The following EFTUD2 variants were observed in gnomAD, a reference collection of about 807,000 sequenced individuals.
EFTUD2 encodes elongation factor Tu GTP binding domain containing 2, also known as 116 kDa U5 small nuclear ribonucleoprotein component.
EFTUD2 carries 9 observed loss-of-function variants against 114.3 expected under a neutral mutation model. The ratio of observed to expected loss-of-function variants is 0.08; its 90% CI spans 0.05 to 0.14. The LOEUF is 0.14. Ranked by LOEUF, EFTUD2 falls within the 10% of genes least tolerant of loss-of-function variation. The pLI is 1.00. For missense variants in EFTUD2, 765 were observed against 1,241.2 expected, an observed-to-expected ratio of 0.62 and a Z score of 5.76; for synonymous variants, 449 against 462.3, an observed-to-expected ratio of 0.97 and a Z score of 0.37.
chr17:44,896,883 A>G (rs2051395497), intron 1 of EFTUD2, among the ~76,000 whole-genome samples: 1 of 152,074 alleles, frequency 6.6e-6, no homozygotes, highest in South Asian at 2.1e-4. Context: ...CACTGAATAA[A>G]TGGTTATGAG....
At chr17:44,889,887 A>G (rs1449897123) in intron 2 of EFTUD2, among the ~76,000 whole-genome samples, 1 of 152,228 alleles carries the variant, frequency 6.6e-6, no homozygotes, top group Non-Finnish European at 1.5e-5. Context: ...TAACTGCAGG[A>G]TTTTATATAA....
chr17:44,884,950 T>C (rs544253720), intron 4 of EFTUD2, among the ~76,000 whole-genome samples: 2 of 152,326 alleles, frequency 1.3e-5, no homozygotes, highest in South Asian at 2.1e-4. Context: ...AGCAGTCTTA[T>C]TGAGTCCAAA....
In EFTUD2 at chr17:44,857,062, G is replaced by T; in HGVS notation, c.2045+13C>A. The T allele has an allele frequency of 6.2e-7, 1 of 1,611,098 alleles. No homozygotes were observed. The highest frequency in any genetic ancestry group is 1.3e-5 in the African/African-American group (1 of 75,012). On this transcript the variant is annotated intron_variant, in intron 20 of 27. Coordinates refer to ENST00000426333, the MANE Select transcript of EFTUD2 (RefSeq NM_004247.4). ...GAGGCTGCAGTCCCAGGGACACTGTGCTCCCAGCTTACTTCTTATTAGGCG... is the reference window on the plus strand; with the variant it reads ...GAGGCTGCAGTCCCAGGGACACTGTTCTCCCAGCTTACTTCTTATTAGGCG...
chr17:44,860,117 G>T (rs1310968906), intron 17 of EFTUD2, 72 bp from the exon 18 acceptor site: 2 of 1,604,812 alleles, frequency 1.2e-6, no homozygotes, highest in Non-Finnish European at 1.7e-6. Flanking sequence ...GGTATGAGAA[G>T]AGAAGAGGAC....
In EFTUD2 at chr17:44,876,003, A is replaced by G; in HGVS notation, c.800T>C (p.Leu267Pro). 6.2e-7 allele frequency: 1 copy of G among 1,614,154 alleles called. No homozygotes were observed. The highest frequency in any genetic ancestry group is 8.5e-7 in the Non-Finnish European group (1 of 1,180,042). ...INKIDRLILE[L>P]KLPPTDAYYK... ...ATAAGCATCAGTTGGAGGCAGCTTC[A>G]GCTCCAGGATCAGCCGGTCAATCTT... The change falls in exon 10 of 28, where the codon CTG (leucine) becomes CCG (proline). Residue 267 changes from leucine (L) to proline (P), a missense_variant. Around this residue, in one of 6 missense-constraint regions of EFTUD2, gnomAD observed 251 missense variants for 357.7 expected, o/e 0.70. Transcript: ENST00000426333.
At chr17:44,898,499 C>A (rs183629400) in intron 1 of EFTUD2, among the ~76,000 whole-genome samples, 229 of 152,270 alleles carry the variant, frequency 1.5e-3, no homozygotes, top group Non-Finnish European at 2.7e-3. Flanking sequence ...GGATTACAGG[C>A]GTGAGCCACC....
Position 44,851,728 on chromosome 17 carries a change from G to A in EFTUD2, c.2805C>T (p.Ile935=), listed in dbSNP as rs767190626. ...PAPHLAREFM[I]KTRRRKGLSE... ...GACATACCTTCCTACGGCGGGTTTT[G>A]ATCATGAATTCCCGGGCCAGGTGAG... The change falls in exon 27 of 28, where the codon ATC becomes ATT. Residue 935 remains isoleucine, a synonymous_variant. Transcript: ENST00000426333. The A allele has an allele frequency of 4.5e-6, 7 of 1,568,802 alleles. No individual in the cohort carries two copies. The highest frequency in any genetic ancestry group is 6.0e-6 in the Non-Finnish European group (7 of 1,158,870).
intron 2 of EFTUD2, among the ~76,000 whole-genome samples, chr17:44,889,505 A>C (rs969788798): frequency 1.3e-5 from 2 of 152,206 alleles, no homozygotes; most frequent in Non-Finnish European, 2.9e-5. Context: ...GAGAGGGCAG[A>C]ATTGCCAAAG....
At chr17:44,860,702 T>C (rs2050640885) in intron 16 of EFTUD2, among the ~76,000 whole-genome samples, 159 bp from the exon 17 acceptor site, 1 of 150,900 alleles carries the variant, frequency 6.6e-6, no homozygotes. Flanking sequence ...AAGGTTCCAG[T>C]GATCCTTCTG....
At chr17:44,882,192 C>A (rs986143150) in intron 6 of EFTUD2, among the ~76,000 whole-genome samples, 2 of 152,126 alleles carry the variant, frequency 1.3e-5, no homozygotes, top group Non-Finnish European at 2.9e-5. Context: ...GCTCAGCCTC[C>A]CAAAGTGCTG....
Position 44,877,173 on chromosome 17 carries a change from G to T in EFTUD2, c.703-1073C>A, listed in dbSNP as rs556663349. Among the ~76,000 whole-genome samples the T allele has an allele frequency of 2.0e-5, 3 of 152,076 alleles. No homozygotes were observed. In the East Asian group the frequency reaches 5.8e-4, roughly 29 times the overall value. On this transcript the variant is annotated intron_variant, in intron 9 of 27. Transcript: ENST00000426333. ...ATTGTACCATTGCACTCCAGCCTGGGCCAGAGGGCAAGATGCCATCTCTTT... is the reference window on the plus strand; with the variant it reads ...ATTGTACCATTGCACTCCAGCCTGGTCCAGAGGGCAAGATGCCATCTCTTT...
At chr17:44,871,692 C>T (rs1421116921) in intron 11 of EFTUD2, among the ~76,000 whole-genome samples, 3 of 152,088 alleles carry the variant, frequency 2.0e-5, no homozygotes, top group African/African-American at 7.2e-5. Context: ...CAAAGGGCTC[C>T]ATGCTAAGAG....
chr17:44,850,678 T>G lies in EFTUD2; in HGVS notation c.*596A>C. 1 of 348,398 alleles carries G rather than the reference T, an allele frequency of 2.9e-6. No homozygotes were observed. The allele number at this position is 348,398 out of a possible 1,614,324, so 21.6% of individuals were successfully genotyped here. ...CAGGAACCCAACAACTCCCAAGCCA[T>G]CTTAGGTTCCACCCAGAAGCAGCAT... On this transcript the variant is annotated 3_prime_UTR_variant, in exon 28 of 28. Coordinates refer to ENST00000426333, the MANE Select transcript of EFTUD2 (RefSeq NM_004247.4).
chr17:44,867,946 A>AAAAGGAAAAATAAGTT, intron 12 of EFTUD2, 49 bp from the exon 13 acceptor site: 1 of 1,501,946 alleles, frequency 6.7e-7, no homozygotes, highest in Non-Finnish European at 9.0e-7. Flanking sequence ...AGGCACTATC[A>AAAAGGAAAAATAAGTT]CTGATCCCAA....
intron 11 of EFTUD2, among the ~76,000 whole-genome samples, chr17:44,868,817 C>G (rs2050796463): frequency 6.6e-6 from 1 of 152,182 alleles, no homozygotes; most frequent in Admixed American, 6.5e-5. Flanking sequence ...CTGGCTAGCC[C>G]TAGGCCTCAG....
chr17:44,873,909 A>AT (rs1370842756), intron 10 of EFTUD2, among the ~76,000 whole-genome samples: 1 of 145,312 alleles, frequency 6.9e-6, no homozygotes, highest in Non-Finnish European at 1.5e-5. Flanking sequence ...TTTTTTTTGT[A>AT]TTTTTTAGTA....
chr17:44,888,208 C>A (rs923863379), intron 2 of EFTUD2, among the ~76,000 whole-genome samples: 1 of 152,238 alleles, frequency 6.6e-6, no homozygotes, highest in Admixed American at 6.5e-5. Context: ...CAGGAAGCTG[C>A]GATCACATGG....
intron 23 of EFTUD2, 78 bp from the exon 24 acceptor site, chr17:44,853,713 G>C (rs1016034159): frequency 2.5e-6 from 4 of 1,586,824 alleles, no homozygotes; most frequent in Non-Finnish European, 3.4e-6. Context: ...GCAGTCTCCT[G>C]CAACACTGCA....
At position 44,862,747 on chromosome 17, in the gene EFTUD2, A is replaced by C; in HGVS notation, c.1573T>G (p.Cys525Gly). Residue 525 changes from cysteine to glycine, a missense_variant, in exon 16 of 28, where the codon TGC becomes GGC. By Grantham distance (159) the Cys-to-Gly change is radical (BLOSUM62 -3). Coordinates refer to ENST00000426333, the MANE Select transcript of EFTUD2 (RefSeq NM_004247.4). ...GAGATCCAAAGGCGGCCCACGGTGC[A>C]TATCTGGGAGTCTTCCTCATCCTCC... ...TLEDEEDSQI[C>G]TVGRLWISVA... 1 of 1,614,064 alleles carries C rather than the reference A, an allele frequency of 6.2e-7. No homozygotes were observed. Among genetic ancestry groups the C allele is most frequent in the Non-Finnish European group, 8.5e-7 (1 of 1,179,982 alleles).
Sources: allele counts gnomAD v4.1 joint callset (sites outside exome capture counted in the v4.1 genomes callset), GRCh38; gene constraint gnomAD v4.1.1; regional missense constraint gnomAD v4.1.1; transcripts MANE v1.5; gene names NCBI Gene and HGNC (gene_info 2026-07-23, HGNC 2026-07-21).